Variants in UNC13D observed in about 807,000 individuals in gnomAD.
The protein encoded by UNC13D is protein unc-13 homolog D.
Under a neutral mutation model 151.7 loss-of-function variants are expected in UNC13D, and 115 were observed. The ratio of observed to expected loss-of-function variants is 0.76; its 90% CI spans 0.65 to 0.88. UNC13D has a LOEUF of 0.88. UNC13D is among the 40% of genes least tolerant of loss of function. The pLI, the probability that UNC13D is intolerant of heterozygous loss-of-function variation, is 0.00. For synonymous variants in UNC13D, 588 were observed against 612.2 expected (o/e 0.96, Z 0.58); for missense variants, 1,369 against 1,438.7 (o/e 0.95, Z 0.78).
Position 75,840,209 on chromosome 17 carries a change from C to T in UNC13D, c.858+16G>A. ...GCAAGAGCTGGGCATGGCCACTGGCCCAGTACCCGACCTACCCGCTTATGG... is the reference window on the plus strand; with the variant it reads ...GCAAGAGCTGGGCATGGCCACTGGCTCAGTACCCGACCTACCCGCTTATGG... On this transcript the variant is annotated intron_variant, in intron 10 of 31. Coordinates refer to ENST00000207549, the MANE Select transcript of UNC13D (RefSeq NM_199242.3). The surrounding 1 kb of genome is among the most constrained non-coding windows in gnomAD (Gnocchi z 4.6). The T allele has an allele frequency of 6.2e-7, 1 of 1,613,746 alleles. No individual in the cohort carries two copies. Among genetic ancestry groups the T allele is most frequent in the South Asian group, 1.1e-5 (1 of 91,076 alleles).
At chr17:75,838,926 C>G (rs1001265793) in intron 12 of UNC13D, among the ~76,000 whole-genome samples, 1 of 151,964 alleles carries the variant, frequency 6.6e-6, no homozygotes, top group Non-Finnish European at 1.5e-5. Context: ...CGGTGAAACC[C>G]CATCTCTACT....
At chr17:75,838,787 G>A (rs2064926554) in intron 12 of UNC13D, among the ~76,000 whole-genome samples, 1 of 152,180 alleles carries the variant, frequency 6.6e-6, no homozygotes, top group Non-Finnish European at 1.5e-5. Flanking sequence ...CACACACATC[G>A]CTCCGCTCTG....
Position 75,840,000 on chromosome 17 carries a change from G to C in UNC13D, c.951+18C>G, listed in dbSNP as rs897393215. On this transcript the variant is annotated intron_variant, in intron 11 of 31. Coordinates refer to ENST00000207549, the MANE Select transcript of UNC13D (RefSeq NM_199242.3). Reference sequence around the variant, plus strand: ...TGAAGGGCAGCCCCGGCTGCGCCCAGCCCCAGGAGGGCAATACCTCGTGCT... The same window carrying C: ...TGAAGGGCAGCCCCGGCTGCGCCCACCCCCAGGAGGGCAATACCTCGTGCT... 1 of 1,613,400 alleles carries C rather than the reference G, an allele frequency of 6.2e-7. No individual in the cohort carries two copies. The highest frequency in any genetic ancestry group is 2.2e-5 in the East Asian group (1 of 44,894).
Position 75,832,673 on chromosome 17 carries a change from G to A in UNC13D, c.2447+293C>T, listed in dbSNP as rs961239220. ...AAGAACTCAAAGCACTCAGAGCTAG[G>A]CAGCAGGAAATGGGGAGGCCTGAGA... On this transcript the variant is annotated intron_variant, in intron 25 of 31. Transcript: ENST00000207549. The surrounding 1 kb of genome is among the most constrained non-coding windows in gnomAD (Gnocchi z 4.3). 4 of 365,436 alleles carry A rather than the reference G, an allele frequency of 1.1e-5. No homozygotes were observed. Among genetic ancestry groups the A allele is most frequent in the Non-Finnish European group, 2.1e-5 (4 of 187,606 alleles). The allele number at this position is 365,436 out of a possible 1,614,324, so 22.6% of individuals were successfully genotyped here. A position where few individuals can be genotyped will look rare whatever the true frequency, so the allele number is the denominator to read the frequency against.
chr17:75,827,984 G>C lies in UNC13D; in HGVS notation c.3254C>G (p.Ala1085Gly), dbSNP rs778060284. Residue 1085 changes from alanine to glycine, a missense_variant, in exon 32 of 32, where the codon GCC becomes GGC. This residue lies in a region of UNC13D where 807 missense variants were observed against 795.5 expected (regional missense o/e 1.01). Coordinates refer to ENST00000207549, the MANE Select transcript of UNC13D (RefSeq NM_199242.3). The part of the protein sequence containing the change: ...RHRAKQASQH[A>G]LRPAP ...CTACGGCTACGGTGCCGGCCGCAAG[G>C]CATGCTGGGAGGCCTGCTTGGCCCG... 7 of 1,605,026 alleles carry C rather than the reference G, an allele frequency of 4.4e-6. No individual in the cohort carries two copies. Among genetic ancestry groups the C allele is most frequent in the South Asian group, 2.2e-5 (2 of 89,872 alleles).
At chr17:75,828,134 G>A (rs903984773) in intron 31 of UNC13D, 48 bp from the exon 32 acceptor site, 2 of 1,554,750 alleles carry the variant, frequency 1.3e-6, no homozygotes, top group African/African-American at 1.4e-5. Context: ...AGAGGGCAGT[G>A]CCTGGTGGTG....
Position 75,843,150 on chromosome 17 carries a change from C to T in UNC13D, c.261+9G>A, listed in dbSNP as rs754902598. On this transcript the variant is annotated intron_variant, in intron 3 of 31. Coordinates refer to ENST00000207549, the MANE Select transcript of UNC13D (RefSeq NM_199242.3). ...GCAGGAAGGGGGGTGGGGTGGGAGC[C>T]GGGCTCACCTCCTGCAGGTATCGCA... 39 of 1,611,302 alleles carry T rather than the reference C, an allele frequency of 2.4e-5. No homozygotes were observed. Among genetic ancestry groups the T allele is most frequent in the Admixed American group, 3.3e-5 (2 of 59,988 alleles).
rs1310804378 is a variant in UNC13D, at chr17:75,827,896, C to A, written c.*69G>T. ...GGAGGGCCGCGATGTGGCGGGGAAGCCCCAGACCCTACAGGAAAGCCCTTG... is the reference window on the plus strand; with the variant it reads ...GGAGGGCCGCGATGTGGCGGGGAAGACCCAGACCCTACAGGAAAGCCCTTG... On this transcript the variant is annotated 3_prime_UTR_variant, in exon 32 of 32. Coordinates refer to ENST00000207549, the MANE Select transcript of UNC13D (RefSeq NM_199242.3). 1.9e-6 allele frequency: 3 copies of A among 1,552,632 alleles called. No individual in the cohort carries two copies. Among genetic ancestry groups the A allele is most frequent in the Non-Finnish European group, 2.6e-6 (3 of 1,153,896 alleles).
In UNC13D at chr17:75,839,849, G is replaced by T; in HGVS notation, c.1045C>A (p.Gln349Lys). 6.2e-7 allele frequency: 1 copy of T among 1,613,846 alleles called. No individual in the cohort carries two copies. The highest frequency in any genetic ancestry group is 2.2e-5 in the East Asian group (1 of 44,878). Residue 349 changes from glutamine (Q) to lysine (K), a missense_variant, in exon 12 of 32, where the codon CAG becomes AAG. Gln to Lys is a moderately conservative substitution (Grantham distance 53, BLOSUM62 1). Transcript: ENST00000207549. ...GGGCTGTGTACTCACGCCATGGACT[G>T]GTGGAAGTCGGATAGGTCCTTCTGT... ...ATQKDLSDFH[Q>K]SMAQWLAYSR...
At chr17:75,830,293 C>A in intron 29 of UNC13D, 69 bp downstream of exon 29, 8 of 1,571,996 alleles carry the variant, frequency 5.1e-6, no homozygotes, top group Non-Finnish European at 6.9e-6. Flanking sequence ...GAGCGAAGCC[C>A]CCAGGGTCGC....
Position 75,839,982 on chromosome 17 carries a change from C to T in UNC13D, c.951+36G>A, listed in dbSNP as rs776785000. 13 of 1,613,496 alleles carry T rather than the reference C, an allele frequency of 8.1e-6. No individual in the cohort carries two copies. The South Asian group carries it at 1.4e-4, about 18-fold the overall frequency. ...TGGAGGAGTGTCAGGACCTGAAGGG[C>T]AGCCCCGGCTGCGCCCAGCCCCAGG... On this transcript the variant is annotated intron_variant, in intron 11 of 31. Transcript: ENST00000207549.
rs779543680 is a variant in UNC13D, at chr17:75,840,764, G to T, written c.681C>A (p.Arg227=). ...CCTGTGAGCCCTGCAACACGAACCT[G>T]CGAAGCCCATGCAGATCCGTGAGCT... ...LGELTDLHGL[R]RIFKEARKDK... Residue 227 remains arginine, a splice_region_variant and synonymous_variant, in exon 8 of 32, where the codon CGC becomes CGA. Transcript: ENST00000207549. The surrounding 1 kb of genome is among the most constrained non-coding windows in gnomAD (Gnocchi z 4.6). 6.2e-7 allele frequency: 1 copy of T among 1,613,948 alleles called. No individual in the cohort carries two copies. Among genetic ancestry groups the T allele is most frequent in the East Asian group, 2.2e-5 (1 of 44,886 alleles).
At chr17:75,843,864 A>C in intron 1 of UNC13D, 2 of 1,369,010 alleles carry the variant, frequency 1.5e-6, no homozygotes, top group East Asian at 2.9e-5. Context: ...GGGGGGTGCC[A>C]CGTCGGCCTG....
chr17:75,844,303 G>A lies in UNC13D; in HGVS notation c.35C>T (p.Pro12Leu). 2 of 1,612,630 alleles carry A rather than the reference G, an allele frequency of 1.2e-6. No homozygotes were observed. Among genetic ancestry groups the A allele is most frequent in the Non-Finnish European group, 1.7e-6 (2 of 1,179,858 alleles). The stretch of plus-strand genomic sequence containing the variant: ...CTTGATGGCCTGGCGCAAGAAGGGA[G>A]GGCGCTGCTGCGGATGGGAGAGGAG... ...ATLLSHPQQR[P>L]PFLRQAIKIR... Residue 12 changes from proline to leucine, a missense_variant, in exon 1 of 32, where the codon CCT becomes CTT. Around this residue, in one of 3 missense-constraint regions of UNC13D, gnomAD observed 550 missense variants for 609.0 expected, o/e 0.90. Coordinates refer to ENST00000207549, the MANE Select transcript of UNC13D (RefSeq NM_199242.3).
Position 75,835,313 on chromosome 17 carries a change from G to A in UNC13D, c.1848+96C>T, listed in dbSNP as rs556447947. 7.7e-5 allele frequency: 115 copies of A among 1,499,584 alleles called. No homozygotes were observed. The African/African-American group carries it at 1.3e-3, about 17-fold the overall frequency. 92.9% of individuals were successfully genotyped at this position (1,499,584 alleles called of 1,614,324 possible). A position where few individuals can be genotyped will look rare whatever the true frequency, so the allele number is the denominator to read the frequency against. On this transcript the variant is annotated intron_variant, in intron 20 of 31. Coordinates refer to ENST00000207549, the MANE Select transcript of UNC13D (RefSeq NM_199242.3). The stretch of plus-strand genomic sequence containing the variant: ...TGCACCCAAAAGGGATGTTCAGAGC[G>A]GGTTACTGGCTTTTACTACGCTTTG...
In UNC13D at chr17:75,835,839, C is replaced by CG. The variant is rs753849363; in HGVS notation, c.1596+15dup. ...TCTGTTGGAGGGCATGCCCTAGAGA[C>CG]GGGGGAGGGACTCACCAGCCACTGC... is the stretch of plus-strand genomic sequence containing the variant. On this transcript the variant is annotated intron_variant, in intron 18 of 31. Coordinates refer to ENST00000207549, the MANE Select transcript of UNC13D (RefSeq NM_199242.3). The CG allele has an allele frequency of 6.2e-7, 1 of 1,614,022 alleles. No individual in the cohort carries two copies. Among genetic ancestry groups the CG allele is most frequent in the Non-Finnish European group, 8.5e-7 (1 of 1,180,020 alleles).
rs57155095 is a variant in UNC13D at position 75,833,182 on chromosome 17, G to A, written c.2368-137C>T. On this transcript the variant is annotated intron_variant, in intron 24 of 31. Coordinates refer to ENST00000207549, the MANE Select transcript of UNC13D (RefSeq NM_199242.3). This position sits in a 1 kb window ranked among gnomAD's most constrained non-coding sequence, Gnocchi z 4.0. ...CAGTTTGTAGTGTCTGTAAGAGGCCGGCCTGCCCACCTCTCTGCCTTCCCC... is the reference window on the plus strand; with the variant it reads ...CAGTTTGTAGTGTCTGTAAGAGGCCAGCCTGCCCACCTCTCTGCCTTCCCC... 7,937 of 796,540 alleles carry A rather than the reference G, an allele frequency of 1.0e-2. 278 individuals carry two copies. The highest frequency in any genetic ancestry group is 0.091 in the African/African-American group (5,315 of 58,492). The allele number at this position is 796,540 out of a possible 1,614,324, so 49.3% of individuals were successfully genotyped here.
In UNC13D at chr17:75,839,802, G is replaced by T. The variant is rs556204844; in HGVS notation, c.1055+37C>A. The T allele has an allele frequency of 1.6e-5, 26 of 1,606,654 alleles. No individual in the cohort carries two copies. The South Asian group carries it at 2.7e-4, about 17-fold the overall frequency. On this transcript the variant is annotated intron_variant, in intron 12 of 31. Coordinates refer to ENST00000207549, the MANE Select transcript of UNC13D (RefSeq NM_199242.3). The stretch of plus-strand genomic sequence containing the variant: ...AGGAGGGCAGGGGGCGTGGGGGGCT[G>T]GTGGCTCAGGGGTTCTGCCCAGGGC...
chr17:75,833,016 C>A lies in UNC13D; in HGVS notation c.2397G>T (p.Glu799Asp). 1 of 1,605,174 alleles carries A rather than the reference C, an allele frequency of 6.2e-7. No individual in the cohort carries two copies. Among genetic ancestry groups the A allele is most frequent in the Non-Finnish European group, 8.5e-7 (1 of 1,176,658 alleles). Residue 799 changes from glutamate (E) to aspartate (D), a missense_variant, in exon 25 of 32, where the codon GAG (glutamate) becomes GAT (aspartate). Transcript: ENST00000207549. The surrounding 1 kb of genome is among the most constrained non-coding windows in gnomAD (Gnocchi z 4.0). ...TGGTGTTCATGTAGCAAAGCTCCAC[C>A]TCCAGGAACTTCATCAGGGGCAGAA... ...DAILPLMKFLEVELCYMNTNL... is the reference protein window; with the variant it reads ...DAILPLMKFLDVELCYMNTNL...
Sources: gnomAD v4.1 joint callset for allele counts (sites outside exome capture counted in the v4.1 genomes callset) on GRCh38, gnomAD v4.1.1 for gene constraint, gnomAD v4.1.1 regional missense constraint, Gnocchi (gnomAD v3.1) non-coding constraint, MANE v1.5 for transcripts, NCBI Gene and HGNC (gene_info 2026-07-23, HGNC 2026-07-21) for gene names.